Variants in BRD2 observed in about 807,000 individuals in gnomAD.
BRD2 encodes bromodomain-containing protein 2.
BRD2 carries 15 observed loss-of-function variants against 79.1 expected under a neutral mutation model. The ratio of observed to expected loss-of-function variants is 0.19; its 90% confidence interval spans 0.13 to 0.29. The LOEUF (loss-of-function observed/expected upper bound fraction) is 0.29, where lower values mean the gene tolerates loss of function less well. Ranked by LOEUF, BRD2 falls within the 10% of genes least tolerant of loss-of-function variation. The pLI, the probability that BRD2 is intolerant of heterozygous loss-of-function variation, is 1.00. For synonymous variants in BRD2, 488 were observed against 358.6 expected, an observed-to-expected ratio of 1.36 and a Z score of -4.08; for missense variants, 1,053 against 991.3, an observed-to-expected ratio of 1.06 and a Z score of -0.84.
At position 32,976,798 on chromosome 6, in the gene BRD2, T is replaced by C. The variant is rs17214085; in HGVS notation, c.1062T>C (p.Asn354=). 0.016 allele frequency: 25,067 copies of C among 1,613,184 alleles called. 271 individuals carry two copies. The highest frequency in any genetic ancestry group is 0.036 in the South Asian group (3,244 of 91,090). Residue 354 remains asparagine, a synonymous_variant, in exon 7 of 13, where the codon AAT becomes AAC. Transcript: ENST00000374825. ...TTTCAGAACAGTTAAAACATTGCAATGGCATTTTGAAGGAGTTACTCTCTA... is the reference window on the plus strand; with the variant it reads ...TTTCAGAACAGTTAAAACATTGCAACGGCATTTTGAAGGAGTTACTCTCTA... The part of the protein sequence containing the change: ...GKLSEQLKHC[N]GILKELLSKK...
intron 3 of BRD2, chr6:32,975,075 C>T (rs972079286): frequency 3.0e-5 from 45 of 1,516,702 alleles, no homozygotes; most frequent in Middle Eastern, 1.7e-4. Context: ...TAGCTTCTTC[C>T]TTTCCCTCAT....
intron 3 of BRD2, 82 bp from the exon 4 acceptor site, chr6:32,975,302 G>T: frequency 4.4e-6 from 5 of 1,147,838 alleles, no homozygotes; most frequent in Non-Finnish European, 6.2e-6. Context: ...GTGTGTGTGT[G>T]TGTGTGTGAG....
Position 32,977,906 on chromosome 6 carries a change from A to AGAG in BRD2, c.1488_1490dup (p.Glu497dup), listed in dbSNP as rs565401934. 1.9e-6 allele frequency: 3 copies of AGAG among 1,612,908 alleles called. No homozygotes were observed. In the East Asian group the frequency reaches 6.7e-5, roughly 36 times the overall value. ...GTAGCAGTGAGAGCTCCTCTGAGGA[A>AGAG]GAGGAGGAGGAAGATGAGGAGGACG... On this transcript the variant is annotated inframe_insertion, in exon 9 of 13. Transcript: ENST00000374825.
At chr6:32,974,794 TG>T (rs751597866) in intron 3 of BRD2, 29 bp downstream of exon 3, 6 of 1,603,538 alleles carry the variant, frequency 3.7e-6, no homozygotes, top group Non-Finnish European at 5.1e-6. Flanking sequence ...GCCGGGGAGG[TG>T]TGGGATGAGC....
intron 3 of BRD2, chr6:32,975,066 AG>A: frequency 6.6e-7 from 1 of 1,519,156 alleles, no homozygotes; most frequent in Non-Finnish European, 8.8e-7. Context: ...CAAAATTCTT[AG>A]CTTCTTCCTT....
rs1385041499 is a variant in BRD2, at chr6:32,974,785, C to T, written c.333+20C>T. On this transcript the variant is annotated intron_variant, in intron 3 of 12. Coordinates refer to ENST00000374825, the MANE Select transcript of BRD2 (RefSeq NM_005104.4). ...CTACCGGTGAGTAGAGACATTGGAG[C>T]CGGGGAGGTGTGGGATGAGCAAGAA... 3 of 1,607,818 alleles carry T rather than the reference C, an allele frequency of 1.9e-6. No homozygotes were observed. The highest frequency in any genetic ancestry group is 2.2e-5 in the East Asian group (1 of 44,786).
At chr6:32,971,545 T>C (rs1582879298) in intron 1 of BRD2, 50 bp from the exon 2 acceptor site, 2 of 457,040 alleles carry the variant, frequency 4.4e-6, no homozygotes, top group South Asian at 4.6e-5. Flanking sequence ...CTGTTCGCCA[T>C]AGAGGAGCAG....
chr6:32,971,313 G>T, intron 1 of BRD2: 1 of 332,970 alleles, frequency 3.0e-6, no homozygotes, highest in Admixed American at 4.9e-5. Context: ...CTGTAGGTGT[G>T]AGTGGGGAGG....
Position 32,971,664 on chromosome 6 carries a change from C to G in BRD2, c.-1235C>G, listed in dbSNP as rs150478937. 1.1e-3 allele frequency: 547 copies of G among 480,238 alleles called. 3 individuals carry two copies. The highest frequency in any genetic ancestry group is 0.01 in the African/African-American group (516 of 49,224). 29.7% of individuals were successfully genotyped at this position (480,238 alleles called of 1,614,324 possible). A position where few individuals can be genotyped will look rare whatever the true frequency, so the allele number is the denominator to read the frequency against. ...AGGCGTCTTGCGGCCACACCCCTGG[C>G]GGGTTCAGGCAGGCTACGCCCACGC... On this transcript the variant is annotated 5_prime_UTR_variant, in exon 2 of 13. Transcript: ENST00000374825.
chr6:32,980,954 G>C lies in BRD2; in HGVS notation c.*236G>C, dbSNP rs1439843955. The C allele has an allele frequency of 1.8e-6, 1 of 563,376 alleles. No homozygotes were observed. Among genetic ancestry groups the C allele is most frequent in the Non-Finnish European group, 3.2e-6 (1 of 317,426 alleles). The allele number at this position is 563,376 out of a possible 1,614,324, so 34.9% of individuals were successfully genotyped here. ...ATTGGGGAGTGATCTCTTGGACACAGAGCCCCCATTCAAAATGGGGCAGGG... is the reference window on the plus strand; with the variant it reads ...ATTGGGGAGTGATCTCTTGGACACACAGCCCCCATTCAAAATGGGGCAGGG... On this transcript the variant is annotated 3_prime_UTR_variant, in exon 13 of 13. Coordinates refer to ENST00000374825, the MANE Select transcript of BRD2 (RefSeq NM_005104.4).
At chr6:32,974,940 T>C in intron 3 of BRD2, 175 bp downstream of exon 3, 1 of 1,411,102 alleles carries the variant, frequency 7.1e-7, no homozygotes, top group African/African-American at 1.4e-5. Flanking sequence ...ATCCGACCGC[T>C]TGCTGTAACT....
Position 32,972,793 on chromosome 6 carries a change from C to T in BRD2, c.-106C>T. The T allele has an allele frequency of 6.5e-7, 1 of 1,546,894 alleles. No individual in the cohort carries two copies. The highest frequency in any genetic ancestry group is 1.1e-5 in the South Asian group (1 of 89,702). On this transcript the variant is annotated 5_prime_UTR_variant, in exon 2 of 13. It adds an upstream start codon to the 5' untranslated region. Transcript: ENST00000374825. ...TTGTCGCCTGGAGGCCCAAGAGGAACGGCCTCCCCCCAACTTAGCGGGTTA... is the reference window on the plus strand; with the variant it reads ...TTGTCGCCTGGAGGCCCAAGAGGAATGGCCTCCCCCCAACTTAGCGGGTTA...
Position 32,972,225 on chromosome 6 carries a change from T to G in BRD2, c.-674T>G, listed in dbSNP as rs918273997. Reference sequence around the variant, plus strand: ...CATTTCGTGCTGGAGTGGAGCAGCCTCTAGAACGAGCTGGAGGATTCTGCC... The same window carrying G: ...CATTTCGTGCTGGAGTGGAGCAGCCGCTAGAACGAGCTGGAGGATTCTGCC... On this transcript the variant is annotated 5_prime_UTR_variant, in exon 2 of 13. Coordinates refer to ENST00000374825, the MANE Select transcript of BRD2 (RefSeq NM_005104.4). The G allele has an allele frequency of 1.2e-5, 6 of 506,908 alleles. No homozygotes were observed. The highest frequency in any genetic ancestry group is 1.2e-4 in the African/African-American group (6 of 51,532). The allele number at this position is 506,908 out of a possible 1,614,324, so 31.4% of individuals were successfully genotyped here.
At position 32,979,077 on chromosome 6, in the gene BRD2, G is replaced by T. The variant is rs2082260; in HGVS notation, c.1841+689G>T. The T allele has an allele frequency of 0.64, 86,217 of 134,862 alleles. 29,019 individuals are homozygous for T. The highest frequency in any genetic ancestry group is 0.82 in the African/African-American group (30,593 of 37,378). 8.4% of individuals were successfully genotyped at this position (134,862 alleles called of 1,614,324 possible). A position where few individuals can be genotyped will look rare whatever the true frequency, so the allele number is the denominator to read the frequency against. The stretch of plus-strand genomic sequence containing the variant: ...TTTTTGTTAGTTTGTTTTTTGTTTT[G>T]TTTTTTTTAAAGACTCCAGGCTGGA... On this transcript the variant is annotated intron_variant, in intron 10 of 12. Transcript: ENST00000374825.
rs1447598575 is a variant in BRD2, at chr6:32,974,782, G to C, written c.333+17G>C. Reference sequence around the variant, plus strand: ...GGTCTACCGGTGAGTAGAGACATTGGAGCCGGGGAGGTGTGGGATGAGCAA... The same window carrying C: ...GGTCTACCGGTGAGTAGAGACATTGCAGCCGGGGAGGTGTGGGATGAGCAA... On this transcript the variant is annotated intron_variant, in intron 3 of 12. Coordinates refer to ENST00000374825, the MANE Select transcript of BRD2 (RefSeq NM_005104.4). 1 of 1,609,078 alleles carries C rather than the reference G, an allele frequency of 6.2e-7. No individual in the cohort carries two copies. Among genetic ancestry groups the C allele is most frequent in the Non-Finnish European group, 8.5e-7 (1 of 1,176,810 alleles).
rs1777986794 is a variant in BRD2, at chr6:32,971,609, C to T, written c.-1290C>T. 8 of 456,106 alleles carry T rather than the reference C, an allele frequency of 1.8e-5. No homozygotes were observed. Among genetic ancestry groups the T allele is most frequent in the Non-Finnish European group, 3.1e-5 (8 of 258,628 alleles). 28.3% of individuals were successfully genotyped at this position (456,106 alleles called of 1,614,324 possible). A position where few individuals can be genotyped will look rare whatever the true frequency, so the allele number is the denominator to read the frequency against. ...CCTCGTTTCAGATTCTTCGCTGCTG[C>T]TGCCTTACCGCCGAGAACCACCACC... On this transcript the variant is annotated 5_prime_UTR_variant, in exon 2 of 13. Coordinates refer to ENST00000374825, the MANE Select transcript of BRD2 (RefSeq NM_005104.4).
Position 32,972,534 on chromosome 6 carries a change from C to T in BRD2, c.-365C>T, listed in dbSNP as rs1018269174. The T allele has an allele frequency of 8.0e-6, 3 of 377,130 alleles. No homozygotes were observed. Among genetic ancestry groups the T allele is most frequent in the East Asian group, 5.0e-5 (1 of 20,012 alleles). 23.4% of individuals were successfully genotyped at this position (377,130 alleles called of 1,614,324 possible). On this transcript the variant is annotated 5_prime_UTR_variant, in exon 2 of 13. Transcript: ENST00000374825. ...AGATCGAAACGGGACCTCGTCGGCC[C>T]CGTAGGGGCCCGACAAGAAGAGGGA...
At chr6:32,973,855 C>T (rs1259580620) in intron 2 of BRD2, among the ~76,000 whole-genome samples, 1 of 152,008 alleles carries the variant, frequency 6.6e-6, no homozygotes. Context: ...ACAAATTCTT[C>T]CTTGTCTGAA....
rs1561952346 is a variant in BRD2 at position 32,978,100 on chromosome 6, T to A, written c.1579-26T>A. On this transcript the variant is annotated intron_variant, in intron 9 of 12. Transcript: ENST00000374825. ...TGTTATTTTATCTTTATTTACTTTT[T>A]CCACTTCATGTTTTTTTTCCTTTAG... is the stretch of plus-strand genomic sequence containing the variant. 3 of 1,594,676 alleles carry A rather than the reference T, an allele frequency of 1.9e-6. No homozygotes were observed. The East Asian group carries it at 6.7e-5, about 36-fold the overall frequency.
Sources: allele counts gnomAD v4.1 joint callset (sites outside exome capture counted in the v4.1 genomes callset), GRCh38; gene constraint gnomAD v4.1.1; transcripts MANE v1.5; gene names NCBI Gene and HGNC (gene_info 2026-07-23, HGNC 2026-07-21).